COG5: variants seen among roughly 807,000 people sequenced by gnomAD.
The protein encoded by COG5 is conserved oligomeric Golgi complex subunit 5.
A neutral mutation model predicts 110.4 loss-of-function variants in COG5; 86 were observed. The observed-to-expected ratio is 0.78, with a 90% CI of 0.65 to 0.93. The LOEUF is 0.93. Ranked by LOEUF, COG5 falls within the 40% of genes least tolerant of loss-of-function variation. The pLI is 0.00. For synonymous variants in COG5, 360 were observed against 334.6 expected, an observed-to-expected ratio of 1.08 and a Z score of -0.83; for missense variants, 1,077 against 987.0, an observed-to-expected ratio of 1.09 and a Z score of -1.22.
intron 19 of COG5, among the ~76,000 whole-genome samples, chr7:107,219,389 C>A (rs1584534448): frequency 6.6e-6 from 1 of 152,244 alleles, no homozygotes; most frequent in East Asian, 1.9e-4. Context: ...GCACTTCATG[C>A]TCAATGCAGC....
At chr7:107,545,779 C>CAAAAAAAAAAAAAA (rs59515448) in intron 5 of COG5, among the ~76,000 whole-genome samples, 60 of 69,786 alleles carry the variant, frequency 8.6e-4, no homozygotes, top group Non-Finnish European at 1.1e-3. Context: ...GACTCCATCT[C>CAAAAAAAAAAAAAA]AAAAAAAAAA....
rs7807648 is a variant in COG5 at position 107,324,646 on chromosome 7, C to T, written c.1027-125G>A. 104,296 of 584,850 alleles carry T rather than the reference C, an allele frequency of 0.18. 10,593 individuals carry two copies. The highest frequency in any genetic ancestry group is 0.21 in the Non-Finnish European group (69,884 of 326,450). 36.2% of individuals were successfully genotyped at this position (584,850 alleles called of 1,614,324 possible). ...TAAATAAAAATTTTAGACATCTAAC[C>T]ATCAAACAATAGAATTATTAATTAA... On this transcript the variant is annotated intron_variant, in intron 10 of 21. Transcript: ENST00000297135.
rs138136417 is a variant in COG5, at chr7:107,507,946, C to T, written c.538+19291G>A. Among the ~76,000 whole-genome samples, 979 of 152,304 alleles carry T rather than the reference C, an allele frequency of 6.4e-3. 8 individuals carry two copies. Among genetic ancestry groups the T allele is most frequent in the Middle Eastern group, 0.017 (5 of 294 alleles). On this transcript the variant is annotated intron_variant, in intron 6 of 21. Transcript: ENST00000297135. ...ATGGCTGAACAGGAACAGCTCCCAG[C>T]GTGAGCGACGCAGAAGACGGGTGAT... is the stretch of plus-strand genomic sequence containing the variant.
intron 12 of COG5, among the ~76,000 whole-genome samples, chr7:107,292,880 C>G (rs1391298663): frequency 6.6e-6 from 1 of 152,172 alleles, no homozygotes; most frequent in African/African-American, 2.4e-5. Flanking sequence ...TAAATGCACA[C>G]TTACATGTAG....
intron 6 of COG5, among the ~76,000 whole-genome samples, chr7:107,507,299 T>C (rs1434947623): frequency 1.7e-5 from 1 of 57,738 alleles, no homozygotes; most frequent in Admixed American, 1.9e-4. Context: ...TTTCTTTTCT[T>C]TTTTTTTTTT....
At chr7:107,305,985 G>A (rs1437193149) in intron 11 of COG5, among the ~76,000 whole-genome samples, 1 of 152,102 alleles carries the variant, frequency 6.6e-6, no homozygotes, top group African/African-American at 2.4e-5. Flanking sequence ...GTAGACAGAT[G>A]TACTGAAGGC....
Position 107,362,551 on chromosome 7 carries a change from G to A in COG5, c.836-131C>T. On this transcript the variant is annotated intron_variant, in intron 8 of 21. Transcript: ENST00000297135. The stretch of plus-strand genomic sequence containing the variant: ...CCTTCTTTAGGAAATAATTTATTGA[G>A]TAAGAATCTTAACCTTTTATGCTTA... 3 of 670,316 alleles carry A rather than the reference G, an allele frequency of 4.5e-6. No individual in the cohort carries two copies. The South Asian group carries it at 5.4e-5, about 12-fold the overall frequency. The allele number at this position is 670,316 out of a possible 1,614,324, so 41.5% of individuals were successfully genotyped here. A position where few individuals can be genotyped will look rare whatever the true frequency, so the allele number is the denominator to read the frequency against.
intron 8 of COG5, among the ~76,000 whole-genome samples, chr7:107,366,869 TTC>T (rs1354889878): frequency 6.6e-6 from 1 of 152,084 alleles, no homozygotes; most frequent in Non-Finnish European, 1.5e-5. Flanking sequence ...GTCTCTTCCT[TTC>T]TCTGTTGTTG....
chr7:107,268,053 C>G (rs539353596), intron 14 of COG5, among the ~76,000 whole-genome samples: 2 of 152,306 alleles, frequency 1.3e-5, no homozygotes, highest in South Asian at 4.1e-4. Context: ...ACCGCAACCT[C>G]TGCCTCCCAG....
intron 17 of COG5, among the ~76,000 whole-genome samples, chr7:107,241,807 G>T (rs540538634): frequency 1.3e-5 from 2 of 151,912 alleles, no homozygotes; most frequent in East Asian, 1.9e-4. Context: ...TTGAAACAGG[G>T]TCTTACTTTG....
chr7:107,507,098 G>C (rs1799072407), intron 6 of COG5, among the ~76,000 whole-genome samples: 1 of 152,086 alleles, frequency 6.6e-6, no homozygotes, highest in Admixed American at 6.5e-5. Flanking sequence ...CTGTGGGTTG[G>C]ATTGTCAGGT....
intron 6 of COG5, among the ~76,000 whole-genome samples, chr7:107,448,629 C>A (rs1395987900): frequency 6.6e-6 from 1 of 151,752 alleles, no homozygotes; most frequent in Admixed American, 6.5e-5. Flanking sequence ...GACTTCAAAT[C>A]CACATATACA....
chr7:107,206,426 G>GAGATATTT (rs1798793358), intron 21 of COG5, among the ~76,000 whole-genome samples: 1 of 152,138 alleles, frequency 6.6e-6, no homozygotes. Context: ...ACCCTGAATG[G>GAGATATTT]AGATATTTTT....
At chr7:107,288,923 T>G (rs1357967247) in intron 12 of COG5, among the ~76,000 whole-genome samples, 2,518 of 31,258 alleles carry the variant, frequency 0.081, 103 homozygotes, top group Middle Eastern at 0.12. Context: ...TATATATATA[T>G]ATATATATAT....
chr7:107,360,917 C>T (rs1256745617), intron 10 of COG5, among the ~76,000 whole-genome samples: 1 of 152,218 alleles, frequency 6.6e-6, no homozygotes, highest in Non-Finnish European at 1.5e-5. Context: ...GATATTCAGG[C>T]AGAAGGCACC....
chr7:107,234,913 CA>C, intron 18 of COG5, among the ~76,000 whole-genome samples: 1 of 151,572 alleles, frequency 6.6e-6, no homozygotes, highest in East Asian at 1.9e-4. Flanking sequence ...ACCTGTAAAA[CA>C]AAGTTAAATG....
intron 6 of COG5, among the ~76,000 whole-genome samples, chr7:107,455,356 G>C (rs890560540): frequency 2.0e-5 from 3 of 152,136 alleles, no homozygotes; most frequent in Non-Finnish European, 4.4e-5. Context: ...TGAAGGTCTA[G>C]ATACACTTTT....
intron 21 of COG5, among the ~76,000 whole-genome samples, chr7:107,204,235 TG>T (rs1798581825): frequency 6.6e-6 from 1 of 152,176 alleles, no homozygotes; most frequent in South Asian, 2.1e-4. Flanking sequence ...TGGATTAGGT[TG>T]GGGGTTAGCA....
intron 10 of COG5, among the ~76,000 whole-genome samples, chr7:107,328,644 C>G (rs1246701642): frequency 6.6e-6 from 1 of 152,040 alleles, no homozygotes. Context: ...TTAGTTACTT[C>G]CCTTATTTAA....
Sources: allele counts gnomAD v4.1 joint callset (sites outside exome capture counted in the v4.1 genomes callset), GRCh38; gene constraint gnomAD v4.1.1; transcripts MANE v1.5; gene names NCBI Gene and HGNC (gene_info 2026-07-23, HGNC 2026-07-21).